SEMA5B: variants seen among roughly 807,000 people sequenced by gnomAD.
SEMA5B encodes semaphorin 5B.
SEMA5B carries 66 observed loss-of-function variants against 135.0 expected under a neutral mutation model. The ratio of observed to expected loss-of-function variants is 0.49; its 90% CI spans 0.40 to 0.60. The LOEUF (loss-of-function observed/expected upper bound fraction) is 0.60. SEMA5B is among the 20% of genes least tolerant of loss of function. The pLI is 0.00. For missense variants in SEMA5B, 1,501 were observed against 1,566.3 expected (o/e 0.96, Z 0.70); for synonymous variants, 690 against 639.5 (o/e 1.08, Z -1.19).
Position 123,027,685 on chromosome 3 carries a change from G to C in SEMA5B, c.-260C>G, listed in dbSNP as rs1378268652. The C allele has an allele frequency of 6.6e-6, 1 of 152,208 alleles. No individual in the cohort carries two copies. Among genetic ancestry groups the C allele is most frequent in the African/African-American group, 2.4e-5 (1 of 41,446 alleles). 9.4% of individuals were successfully genotyped at this position (152,208 alleles called of 1,614,324 possible). On this transcript the variant is annotated 5_prime_UTR_variant, in exon 1 of 23. Coordinates refer to ENST00000357599, the MANE Select transcript of SEMA5B (RefSeq NM_001031702.4). ...CGCTGGATGCGCTGCCGACCCGCCC[G>C]GCTCGGCGGAGCTGGGCTCTGGCAC... is the stretch of plus-strand genomic sequence containing the variant.
intron 1 of SEMA5B, among the ~76,000 whole-genome samples, chr3:122,973,610 G>A: frequency 6.6e-6 from 1 of 152,248 alleles, no homozygotes; most frequent in East Asian, 1.9e-4. Flanking sequence ...TGTTATCGCA[G>A]TTATGATGGT....
intron 1 of SEMA5B, among the ~76,000 whole-genome samples, chr3:122,964,387 G>T (rs553160470): frequency 1.6e-4 from 25 of 152,340 alleles, no homozygotes; most frequent in Admixed American, 5.2e-4. Flanking sequence ...ACAGCTACCA[G>T]CTACGCAGCT....
Position 122,909,835 on chromosome 3 carries a change from C to T in SEMA5B, c.*308G>A, listed in dbSNP as rs1033712114. On this transcript the variant is annotated 3_prime_UTR_variant, in exon 23 of 23. Coordinates refer to ENST00000357599, the MANE Select transcript of SEMA5B (RefSeq NM_001031702.4). The stretch of plus-strand genomic sequence containing the variant: ...TCTTGCCATCTCCATTCTCCAATTC[C>T]TCAAATGCCCAGTAGGTCCACAGCC... 6 of 269,912 alleles carry T rather than the reference C, an allele frequency of 2.2e-5. No homozygotes were observed. Among genetic ancestry groups the T allele is most frequent in the African/African-American group, 1.3e-4 (6 of 45,596 alleles). 16.7% of individuals were successfully genotyped at this position (269,912 alleles called of 1,614,324 possible). A position where few individuals can be genotyped will look rare whatever the true frequency, so the allele number is the denominator to read the frequency against.
chr3:122,914,561 A>G (rs904362882), intron 14 of SEMA5B, among the ~76,000 whole-genome samples: 1 of 152,234 alleles, frequency 6.6e-6, no homozygotes, highest in Non-Finnish European at 1.5e-5. Flanking sequence ...ACTTTAAAGT[A>G]AGGACAATGA....
rs1462128568 is a variant in SEMA5B, at chr3:122,923,826, G to A, written c.1137-74C>T. On this transcript the variant is annotated intron_variant, in intron 9 of 22. Coordinates refer to ENST00000357599, the MANE Select transcript of SEMA5B (RefSeq NM_001031702.4). Reference sequence around the variant, plus strand: ...ACCCTCCTCATAAACCCCACAGCCAGCTGTCATGTCCAATTCCCAAGGCTC... The same window carrying A: ...ACCCTCCTCATAAACCCCACAGCCAACTGTCATGTCCAATTCCCAAGGCTC... 1.9e-6 allele frequency: 3 copies of A among 1,549,336 alleles called. No homozygotes were observed. In the African/African-American group the frequency reaches 4.1e-5, roughly 21 times the overall value.
At chr3:122,916,320 A>G (rs890540220) in intron 12 of SEMA5B, among the ~76,000 whole-genome samples, 10 of 152,198 alleles carry the variant, frequency 6.6e-5, no homozygotes, top group African/African-American at 2.4e-4. Flanking sequence ...ATGATCATAG[A>G]GTCATAAAAC....
chr3:122,915,501 G>A lies in SEMA5B; in HGVS notation c.1927C>T (p.Arg643Ter), dbSNP rs139633639. ...LCRARSCDSP[R>*]PRCGGLDCLG... ...CAGTCAAGGCCCCCACAGCGGGGTC[G>A]AGGGGAATCACAGGATCGAGCTCGA... Residue 643 changes from arginine to a stop codon, truncating the protein, a stop_gained, in exon 14 of 23, where the codon CGA (arginine) becomes TGA (stop). Coordinates refer to ENST00000357599, the MANE Select transcript of SEMA5B (RefSeq NM_001031702.4). LOFTEE classifies it high-confidence loss of function. 6 of 1,613,952 alleles carry A rather than the reference G, an allele frequency of 3.7e-6. No individual in the cohort carries two copies. Among genetic ancestry groups the A allele is most frequent in the Non-Finnish European group, 5.1e-6 (6 of 1,179,978 alleles).
At chr3:122,919,147 G>A (rs1172963581) in intron 12 of SEMA5B, among the ~76,000 whole-genome samples, 1 of 152,074 alleles carries the variant, frequency 6.6e-6, no homozygotes, top group Non-Finnish European at 1.5e-5. Flanking sequence ...TAGTCTCACA[G>A]TGGGAGCTGT....
chr3:122,988,297 AAAG>A (rs778738380), intron 1 of SEMA5B, among the ~76,000 whole-genome samples: 1 of 152,210 alleles, frequency 6.6e-6, no homozygotes, highest in Non-Finnish European at 1.5e-5. Context: ...GGTTTCCTGA[AAAG>A]AAGGTGTGGC....
At position 122,928,572 on chromosome 3, in the gene SEMA5B, C is replaced by A. The variant is rs144041643; in HGVS notation, c.581G>T (p.Arg194Leu). The A allele has an allele frequency of 1.9e-6, 3 of 1,563,998 alleles. 1 individual carries two copies. Among genetic ancestry groups the A allele is most frequent in the Non-Finnish European group, 1.7e-6 (2 of 1,153,536 alleles). ...NYVRVLIVAG[R>L]KVFMCGTNAF... ...ATTGGTTCCACACATGAACACCTTC[C>A]GGCCGGCGACGATCAGGACTCGCAC... is the stretch of plus-strand genomic sequence containing the variant. The change falls in exon 7 of 23, where the codon CGG (arginine) becomes CTG (leucine). Residue 194 changes from arginine to leucine, a missense_variant. Coordinates refer to ENST00000357599, the MANE Select transcript of SEMA5B (RefSeq NM_001031702.4).
At chr3:122,939,324 A>C in intron 5 of SEMA5B, 101 bp downstream of exon 5, 7 of 951,624 alleles carry the variant, frequency 7.4e-6, no homozygotes, top group Non-Finnish European at 1.2e-5. Context: ...CCTGTTTTCA[A>C]CTTTAGGGGC....
At chr3:122,939,583 A>G in intron 4 of SEMA5B, 113 bp from the exon 5 acceptor site, 3 of 773,574 alleles carry the variant, frequency 3.9e-6, no homozygotes, top group South Asian at 1.5e-5. Flanking sequence ...CTGATTGCCT[A>G]GGGTCAACCC....
intron 2 of SEMA5B, among the ~76,000 whole-genome samples, chr3:122,960,911 T>C (rs1940543427): frequency 6.6e-6 from 1 of 152,200 alleles, no homozygotes; most frequent in Non-Finnish European, 1.5e-5. Context: ...TGCATAACAA[T>C]GTGAGTGTAC....
chr3:122,927,073 A>G (rs1938677381), intron 8 of SEMA5B, among the ~76,000 whole-genome samples: 1 of 152,238 alleles, frequency 6.6e-6, no homozygotes, highest in Admixed American at 6.5e-5. Flanking sequence ...AATTTTCACC[A>G]TCACTTTTAA....
chr3:122,975,608 G>A (rs1173432058), intron 1 of SEMA5B, among the ~76,000 whole-genome samples: 2 of 152,188 alleles, frequency 1.3e-5, no homozygotes, highest in African/African-American at 4.8e-5. Flanking sequence ...ACATAGCACT[G>A]TCTGGCACCT....
chr3:123,026,627 C>G (rs1017131169), intron 1 of SEMA5B, among the ~76,000 whole-genome samples: 1 of 152,204 alleles, frequency 6.6e-6, no homozygotes, highest in Non-Finnish European at 1.5e-5. Context: ...CGCGGGTCCC[C>G]GATCCCCTCT....
intron 1 of SEMA5B, among the ~76,000 whole-genome samples, chr3:122,961,699 C>T (rs1041939636): frequency 2.0e-5 from 3 of 152,124 alleles, no homozygotes; most frequent in Non-Finnish European, 1.5e-5. Context: ...TTCAAGAGAG[C>T]TTCCTGCCTC....
intron 10 of SEMA5B, among the ~76,000 whole-genome samples, chr3:122,922,835 C>T (rs1374645372): frequency 6.6e-6 from 1 of 151,898 alleles, no homozygotes; most frequent in Non-Finnish European, 1.5e-5. Context: ...TGTGTCCTTG[C>T]CAGCTCAAAG....
rs1185224920 is a variant in SEMA5B, at chr3:122,922,337, C to G, written c.1383G>C (p.Glu461Asp). The change falls in exon 11 of 23, where the codon GAG becomes GAC. Residue 461 changes from glutamate to aspartate, a missense_variant. Around this residue, in one of 2 missense-constraint regions of SEMA5B, gnomAD observed 574 missense variants for 684.7 expected, o/e 0.84. Transcript: ENST00000357599. ...MSEAVQPVTP[E>D]PCVTQDSVRF... is the part of the protein sequence containing the mutation. ...GCACGCTGTCCTGGGTGACACAGGG[C>G]TCGGGTGTCACCGGCTGCACGGCCT... 2 of 1,613,840 alleles carry G rather than the reference C, an allele frequency of 1.2e-6. No individual in the cohort carries two copies. Among genetic ancestry groups the G allele is most frequent in the Non-Finnish European group, 1.7e-6 (2 of 1,179,872 alleles).
Sources: gnomAD v4.1 joint callset for allele counts (sites outside exome capture counted in the v4.1 genomes callset) on GRCh38, gnomAD v4.1.1 for gene constraint, gnomAD v4.1.1 regional missense constraint, MANE v1.5 for transcripts, NCBI Gene and HGNC (gene_info 2026-07-23, HGNC 2026-07-21) for gene names.